PDE3A: variants seen among roughly 807,000 people sequenced by gnomAD.
PDE3A encodes cGMP-inhibited 3',5'-cyclic phosphodiesterase 3A.
PDE3A carries 43 observed loss-of-function variants against 98.3 expected under a neutral mutation model. That is an observed-to-expected ratio of 0.44 (90% CI 0.34 to 0.56). The LOEUF is 0.56. PDE3A is among the 20% of genes least tolerant of loss of function. PDE3A has a pLI of 0.01. For missense variants in PDE3A, 1,427 were observed against 1,440.7 expected (o/e 0.99, Z 0.15); for synonymous variants, 663 against 567.9 (o/e 1.17, Z -2.38).
chr12:20,413,732 G>T (rs938554685), intron 1 of PDE3A, among the ~76,000 whole-genome samples: 1 of 152,114 alleles, frequency 6.6e-6, no homozygotes, highest in Non-Finnish European at 1.5e-5. Context: ...GCTTAGTCAA[G>T]GGCCTATTAT....
At chr12:20,517,681 T>C (rs1946348389) in intron 1 of PDE3A, among the ~76,000 whole-genome samples, 1 of 152,186 alleles carries the variant, frequency 6.6e-6, no homozygotes. Flanking sequence ...GGTTTGTTGT[T>C]ATAAAACTTA....
chr12:20,655,598 CAA>C (rs1945024225), intron 15 of PDE3A, among the ~76,000 whole-genome samples: 1 of 152,100 alleles, frequency 6.6e-6, no homozygotes. Context: ...AAGCCTAAAA[CAA>C]AACAAAACAG....
intron 2 of PDE3A, among the ~76,000 whole-genome samples, chr12:20,577,228 C>T (rs891962233): frequency 2.0e-5 from 3 of 151,944 alleles, no homozygotes; most frequent in Non-Finnish European, 4.4e-5. Context: ...GTGCTTTGGG[C>T]ACCCAGTGAC....
At chr12:20,569,202 G>A (rs1942734631) in intron 2 of PDE3A, among the ~76,000 whole-genome samples, 1 of 151,912 alleles carries the variant, frequency 6.6e-6, no homozygotes, top group Admixed American at 6.6e-5. Flanking sequence ...TTGAAATCAT[G>A]TTTTAAAAAA....
chr12:20,487,557 G>T (rs1331048968), intron 1 of PDE3A, among the ~76,000 whole-genome samples: 8 of 150,346 alleles, frequency 5.3e-5, no homozygotes, highest in African/African-American at 2.0e-4. Context: ...GGAGGCTGAG[G>T]TGGGGGAATT....
At chr12:20,437,726 A>C (rs558153899) in intron 1 of PDE3A, among the ~76,000 whole-genome samples, 3 of 152,294 alleles carry the variant, frequency 2.0e-5, no homozygotes, top group Admixed American at 1.3e-4. Flanking sequence ...ACCTCTAATC[A>C]GGCCTACCTC....
intron 8 of PDE3A, among the ~76,000 whole-genome samples, chr12:20,636,313 A>C (rs1414718199): frequency 1.3e-5 from 2 of 152,194 alleles, no homozygotes; most frequent in African/African-American, 2.4e-5. Flanking sequence ...TCAAGTGATC[A>C]TCAATGGCTG....
At chr12:20,650,021 T>C (rs1485428584) in intron 13 of PDE3A, among the ~76,000 whole-genome samples, 1 of 152,238 alleles carries the variant, frequency 6.6e-6, no homozygotes, top group Non-Finnish European at 1.5e-5. Flanking sequence ...ATTTTCATTT[T>C]TGTAGGTACA....
intron 1 of PDE3A, among the ~76,000 whole-genome samples, chr12:20,508,213 G>C (rs1183549587): frequency 6.6e-6 from 1 of 151,910 alleles, no homozygotes; most frequent in Admixed American, 6.6e-5. Context: ...CTCTCTGCCT[G>C]TGTCTTCAAG....
At chr12:20,379,344 C>T (rs957290112) in intron 1 of PDE3A, among the ~76,000 whole-genome samples, 6 of 151,800 alleles carry the variant, frequency 4.0e-5, no homozygotes, top group African/African-American at 9.7e-5. Flanking sequence ...TGATATGAAA[C>T]ATCCCCTTGT....
At chr12:20,571,891 C>A in intron 2 of PDE3A, 1 of 1,044,154 alleles carries the variant, frequency 9.6e-7, no homozygotes, top group Non-Finnish European at 1.2e-6. Flanking sequence ...TGATTGCCAC[C>A]CATAAGTTGT....
intron 1 of PDE3A, among the ~76,000 whole-genome samples, chr12:20,523,556 G>C (rs1399250372): frequency 6.6e-6 from 1 of 152,132 alleles, no homozygotes; most frequent in East Asian, 1.9e-4. Context: ...CATTTTGACA[G>C]TTGTCTTATT....
At position 20,381,295 on chromosome 12, in the gene PDE3A, G is replaced by A. The variant is rs188228159; in HGVS notation, c.960+11051G>A. Among the ~76,000 whole-genome samples the A allele has an allele frequency of 2.7e-3, 413 of 151,802 alleles. 3 individuals carry two copies. The highest frequency in any genetic ancestry group is 3.4e-3 in the Admixed American group (52 of 15,166). ...AGTAAGTTATCTAAAAAATAAAGTGGCATTCAGATATGAAAACCACCATAA... is the reference window on the plus strand; with the variant it reads ...AGTAAGTTATCTAAAAAATAAAGTGACATTCAGATATGAAAACCACCATAA... On this transcript the variant is annotated intron_variant, in intron 1 of 15. Coordinates refer to ENST00000359062, the MANE Select transcript of PDE3A (RefSeq NM_000921.5).
intron 1 of PDE3A, among the ~76,000 whole-genome samples, chr12:20,424,781 G>A (rs1944577098): frequency 6.6e-6 from 1 of 152,120 alleles, no homozygotes; most frequent in African/African-American, 2.4e-5. Flanking sequence ...TTATAATATT[G>A]AAAAGAACAA....
At chr12:20,663,453 G>C (rs1202495520) in intron 15 of PDE3A, among the ~76,000 whole-genome samples, 1 of 142,452 alleles carries the variant, frequency 7.0e-6, no homozygotes, top group Non-Finnish European at 1.6e-5. Context: ...CTGGAGGGGA[G>C]GTGCTGTACC....
At chr12:20,637,287 C>G in intron 9 of PDE3A, 50 bp downstream of exon 9, 1 of 1,407,224 alleles carries the variant, frequency 7.1e-7, no homozygotes, top group Non-Finnish European at 9.8e-7. Context: ...AAAACAGTTC[C>G]TTTGTTGCTT....
At chr12:20,373,920 G>A (rs372489151) in intron 1 of PDE3A, among the ~76,000 whole-genome samples, 1 of 152,052 alleles carries the variant, frequency 6.6e-6, no homozygotes, top group African/African-American at 2.4e-5. Flanking sequence ...CAAAAAACTT[G>A]CTTATTTCTT....
intron 2 of PDE3A, among the ~76,000 whole-genome samples, chr12:20,564,313 T>C (rs1044947463): frequency 1.3e-5 from 2 of 152,136 alleles, no homozygotes; most frequent in Non-Finnish European, 2.9e-5. Flanking sequence ...CATAATCTCA[T>C]TGATAGGTGT....
chr12:20,628,454 C>A (rs571937997), intron 5 of PDE3A, among the ~76,000 whole-genome samples: 19 of 152,236 alleles, frequency 1.2e-4, no homozygotes, highest in African/African-American at 4.6e-4. Flanking sequence ...GGTTTTACTT[C>A]CCCCTTGGAT....
Sources: gnomAD v4.1 joint callset for allele counts (sites outside exome capture counted in the v4.1 genomes callset) on GRCh38, gnomAD v4.1.1 for gene constraint, MANE v1.5 for transcripts, NCBI Gene and HGNC (gene_info 2026-07-23, HGNC 2026-07-21) for gene names.